Variants in PRKN observed in about 807,000 individuals in gnomAD.
PRKN encodes the protein parkin RBR E3 ubiquitin protein ligase.
Under a neutral mutation model 59.5 loss-of-function variants are expected in PRKN, and 56 were observed. The ratio of observed to expected loss-of-function variants is 0.94; its 90% CI spans 0.76 to 1.18. PRKN has a LOEUF of 1.18. Among genes scored for constraint, PRKN ranks in the 50% most tolerant of loss-of-function variants. PRKN has a pLI of 0.00. For synonymous variants in PRKN, 250 were observed against 222.1 expected, an observed-to-expected ratio of 1.13 and a Z score of -1.12; for missense variants, 657 against 596.4, an observed-to-expected ratio of 1.10 and a Z score of -1.06.
At chr6:161,703,036 A>T (rs2128179553) in intron 7 of PRKN, among the ~76,000 whole-genome samples, 1 of 151,882 alleles carries the variant, frequency 6.6e-6, no homozygotes, top group African/African-American at 2.4e-5. Context: ...ACAGTAAAAA[A>T]AAAAAAAAAA....
rs945037126 is a variant in PRKN at position 161,401,984 on chromosome 6, G to C, written c.1084-15107C>G. On this transcript the variant is annotated intron_variant, in intron 9 of 11. Transcript: ENST00000366898. This position sits in a 1 kb window ranked among gnomAD's most constrained non-coding sequence, Gnocchi z 4.4. ...TCTTAAAGAAGGTTCCCAGCTTGGGGCTGGGTAATAATGGTGAGAGCATTT... is the reference window on the plus strand; with the variant it reads ...TCTTAAAGAAGGTTCCCAGCTTGGGCCTGGGTAATAATGGTGAGAGCATTT... Among the ~76,000 whole-genome samples the C allele has an allele frequency of 5.9e-5, 9 of 152,188 alleles. No homozygotes were observed. The highest frequency in any genetic ancestry group is 2.2e-4 in the African/African-American group (9 of 41,436).
At chr6:162,459,367 C>A (rs1015056417) in intron 1 of PRKN, among the ~76,000 whole-genome samples, 1 of 152,008 alleles carries the variant, frequency 6.6e-6, no homozygotes, top group Non-Finnish European at 1.5e-5. Context: ...CAAGAAATTA[C>A]CACCTTATAT....
intron 1 of PRKN, among the ~76,000 whole-genome samples, chr6:162,586,497 T>G (rs2128212980): frequency 6.6e-6 from 1 of 152,294 alleles, no homozygotes; most frequent in South Asian, 2.1e-4. Context: ...ATCACCCCAT[T>G]ACCATGTTCT....
chr6:162,021,403 C>T lies in PRKN; in HGVS notation c.618+32688G>A, dbSNP rs575684064. On this transcript the variant is annotated intron_variant, in intron 5 of 11. Transcript: ENST00000366898. The stretch of plus-strand genomic sequence containing the variant: ...TGCTTTATGAAGACTAGAATCTGTT[C>T]CTCTCATACTTTTTGATGTCCCGGC... 1.8e-4 allele frequency among the ~76,000 whole-genome samples: 25 copies of T among 142,840 alleles called. No individual in the cohort carries two copies. In the South Asian group the frequency reaches 5.5e-3, roughly 31 times the overall value. The allele number at this position is 142,840 out of a possible 152,430, so 93.7% of individuals were successfully genotyped here. A position where few individuals can be genotyped will look rare whatever the true frequency, so the allele number is the denominator to read the frequency against.
intron 6 of PRKN, among the ~76,000 whole-genome samples, chr6:161,937,887 G>A (rs971024940): frequency 1.8e-4 from 28 of 152,026 alleles, no homozygotes; most frequent in African/African-American, 6.0e-4. Context: ...ACAATCAAAC[G>A]AAACATTTCT....
At chr6:161,874,816 G>GTATAATATATAAAATGTATAATATA (rs1794625822) in intron 6 of PRKN, among the ~76,000 whole-genome samples, 2 of 93,560 alleles carry the variant, frequency 2.1e-5, no homozygotes, top group Non-Finnish European at 1.8e-5. Flanking sequence ...TATATAAAAT[G>GTATAATATATAAAATGTATAATATA]TATAATATAT....
chr6:161,732,616 A>G (rs995441234), intron 7 of PRKN, among the ~76,000 whole-genome samples: 1 of 151,530 alleles, frequency 6.6e-6, no homozygotes, highest in African/African-American at 2.4e-5. Context: ...CAAAATATAT[A>G]CTCTTATTTT....
intron 9 of PRKN, among the ~76,000 whole-genome samples, chr6:161,512,098 A>C (rs1778413166): frequency 6.6e-6 from 1 of 152,218 alleles, no homozygotes; most frequent in Non-Finnish European, 1.5e-5. Flanking sequence ...ATAAGAACAC[A>C]AGTGTACCTA....
intron 7 of PRKN, among the ~76,000 whole-genome samples, chr6:161,717,840 C>T (rs73783357): frequency 0.13 from 19,702 of 152,120 alleles, 1,825 homozygotes; most frequent in African/African-American, 0.26. Flanking sequence ...GGCCCAGGCC[C>T]GCTTCCATCC....
At chr6:162,573,166 T>G (rs1180166237) in intron 1 of PRKN, among the ~76,000 whole-genome samples, 1 of 152,206 alleles carries the variant, frequency 6.6e-6, no homozygotes, top group Non-Finnish European at 1.5e-5. Context: ...AAACAGAAAA[T>G]GAGTTCCAAG....
rs79555998 is a variant in PRKN, at chr6:161,936,166, G to A, written c.734+37136C>T. Among the ~76,000 whole-genome samples the A allele has an allele frequency of 7.4e-3, 1,120 of 151,728 alleles. 4 individuals are homozygous for A. Among genetic ancestry groups the A allele is most frequent in the Admixed American group, 0.013 (198 of 15,250 alleles). On this transcript the variant is annotated intron_variant, in intron 6 of 11. Coordinates refer to ENST00000366898, the MANE Select transcript of PRKN (RefSeq NM_004562.3). ...TGGCTACCAAAAGGTGGAAGTGGTC[G>A]TCAGGCAAAGGCAAACTGATGAAGA... is the stretch of plus-strand genomic sequence containing the variant.
chr6:161,984,908 C>G (rs931332229), intron 5 of PRKN, among the ~76,000 whole-genome samples: 2 of 152,140 alleles, frequency 1.3e-5, no homozygotes, highest in Admixed American at 6.5e-5. Context: ...GATGAAGCAG[C>G]CCTCCCTGAC....
intron 2 of PRKN, among the ~76,000 whole-genome samples, chr6:162,329,246 G>A (rs547365070): frequency 5.9e-5 from 9 of 152,208 alleles, no homozygotes; most frequent in African/African-American, 1.2e-4. Context: ...ACGGAAGAGC[G>A]GGTGCAGCAC....
rs1011181068 is a variant in PRKN, at chr6:161,386,654, G to A, written c.1167+140C>T. 46 of 747,682 alleles carry A rather than the reference G, an allele frequency of 6.2e-5. No homozygotes were observed. The African/African-American group carries it at 6.5e-4, about 11-fold the overall frequency. 46.3% of individuals were successfully genotyped at this position (747,682 alleles called of 1,614,324 possible). ...GGGGAGTCATTCTGGGAGAAGCCACGGCCCCATTCCCATGGCTGTCAGCTA... is the reference window on the plus strand; with the variant it reads ...GGGGAGTCATTCTGGGAGAAGCCACAGCCCCATTCCCATGGCTGTCAGCTA... On this transcript the variant is annotated intron_variant, in intron 10 of 11. Transcript: ENST00000366898. The surrounding 1 kb of genome is among the most constrained non-coding windows in gnomAD (Gnocchi z 4.3).
At chr6:161,616,519 G>A (rs1782701755) in intron 7 of PRKN, among the ~76,000 whole-genome samples, 1 of 151,448 alleles carries the variant, frequency 6.6e-6, no homozygotes, top group Non-Finnish European at 1.5e-5. Flanking sequence ...CCATCAACCC[G>A]TCACCTACAT....
chr6:162,710,456 T>G (rs1423659945), intron 1 of PRKN, among the ~76,000 whole-genome samples: 1 of 150,152 alleles, frequency 6.7e-6, no homozygotes, highest in African/African-American at 2.5e-5. Flanking sequence ...TCAACTGTTA[T>G]GAGTCCAAGT....
At chr6:161,404,026 T>C (rs1046802541) in intron 9 of PRKN, among the ~76,000 whole-genome samples, 2 of 152,042 alleles carry the variant, frequency 1.3e-5, no homozygotes, top group African/African-American at 4.8e-5. Flanking sequence ...GCAACAGAGA[T>C]CATTCTAGGG....
intron 1 of PRKN, among the ~76,000 whole-genome samples, chr6:162,677,466 G>GAAAA (rs10712151): frequency 7.7e-5 from 7 of 91,408 alleles, no homozygotes; most frequent in Non-Finnish European, 1.3e-4. Flanking sequence ...GCACTGTGGA[G>GAAAA]AAAAAAAAAA....
intron 9 of PRKN, among the ~76,000 whole-genome samples, chr6:161,516,706 A>G (rs1583178699): frequency 1.3e-5 from 2 of 150,882 alleles, no homozygotes; most frequent in East Asian, 3.9e-4. Flanking sequence ...GCATGCTTAT[A>G]ATCCTAGCTA....
Sources: gnomAD v4.1 joint callset for allele counts (sites outside exome capture counted in the v4.1 genomes callset) on GRCh38, gnomAD v4.1.1 for gene constraint, Gnocchi (gnomAD v3.1) non-coding constraint, MANE v1.5 for transcripts, NCBI Gene and HGNC (gene_info 2026-07-23, HGNC 2026-07-21) for gene names.